POLI: variants seen among roughly 807,000 people sequenced by gnomAD.
POLI encodes RAD30 homolog B.
A neutral mutation model predicts 51.6 loss-of-function variants in POLI; 58 were observed. The ratio of observed to expected loss-of-function variants is 1.12; its 90% CI spans 0.91 to 1.40. The LOEUF is 1.40. Ranked by LOEUF, POLI falls within the 40% of genes most tolerant of loss-of-function variation. The pLI is 0.00. For synonymous variants in POLI, 322 were observed against 299.7 expected (o/e 1.07, Z -0.77); for missense variants, 921 against 871.3 (o/e 1.06, Z -0.72).
intron 3 of POLI, among the ~76,000 whole-genome samples, chr18:54,307,904 CCT>C (rs1452606138): frequency 4.8e-5 from 6 of 124,966 alleles, no homozygotes; most frequent in East Asian, 1.9e-4. Context: ...GATTTCAACC[CCT>C]GTTTTTTTTT....
At chr18:54,287,546 A>C (rs1277240929) in intron 8 of POLI, 135 bp downstream of exon 8, 1 of 590,504 alleles carries the variant, frequency 1.7e-6, no homozygotes, top group African/African-American at 1.9e-5. Context: ...TTATTCTATC[A>C]GGAATTTTCA....
At chr18:54,318,776 C>T (rs1020333310) in intron 3 of POLI, among the ~76,000 whole-genome samples, 9 of 152,106 alleles carry the variant, frequency 5.9e-5, no homozygotes, top group African/African-American at 2.2e-4. Flanking sequence ...TCATGAATGG[C>T]TAGGTGAGGC....
At chr18:54,301,654 A>G (rs190752031), downstream of POLI, among the ~76,000 whole-genome samples, 163 of 152,274 alleles carry the variant, frequency 1.1e-3, 4 homozygotes, top group South Asian at 0.03. Context: ...TTCTGCAGCT[A>G]TCTGAATTCT....
intron 3 of POLI, among the ~76,000 whole-genome samples, chr18:54,306,692 T>C (rs1235625914): frequency 3.3e-5 from 5 of 152,206 alleles, no homozygotes; most frequent in Non-Finnish European, 7.3e-5. Context: ...CGGCTGTGAA[T>C]TCATCTGTTC....
At position 54,280,831 on chromosome 18, in the gene POLI, C is replaced by A. The variant is rs2087465300; in HGVS notation, c.724C>A (p.Gln242Lys). The A allele has an allele frequency of 1.2e-6, 2 of 1,613,544 alleles. No individual in the cohort carries two copies. Among genetic ancestry groups the A allele is most frequent in the South Asian group, 2.2e-5 (2 of 91,066 alleles). ...KLVSGVFKPNQQTVLLPESCQ... is the reference protein window; with the variant it reads ...KLVSGVFKPNKQTVLLPESCQ... ...AGTTTCTGGTGTCTTTAAACCAAAT[C>A]AACAAACAGTCTTATTACCTGAAAG... The change falls in exon 5 of 10, where the codon CAA (glutamine) becomes AAA (lysine). Residue 242 changes from glutamine (Q) to lysine (K), a missense_variant. By Grantham distance (53) the Gln-to-Lys change is moderately conservative. Coordinates refer to ENST00000579534, the MANE Select transcript of POLI (RefSeq NM_007195.3).
At chr18:54,292,227 G>T (rs552447114) in intron 9 of POLI, among the ~76,000 whole-genome samples, 189 bp downstream of exon 9, 1 of 152,108 alleles carries the variant, frequency 6.6e-6, no homozygotes, top group African/African-American at 2.4e-5. Context: ...TGTGATCTAA[G>T]AAGAAAACAT....
intron 3 of POLI, among the ~76,000 whole-genome samples, chr18:54,277,149 C>T (rs1157026837): frequency 6.6e-6 from 1 of 152,098 alleles, no homozygotes; most frequent in African/African-American, 2.4e-5. Flanking sequence ...TTCATCTCTG[C>T]CTCTCTGTCC....
intron 6 of POLI, chr18:54,283,695 G>A: frequency 3.8e-6 from 1 of 261,292 alleles, no homozygotes; most frequent in Non-Finnish European, 7.3e-6. Flanking sequence ...TATATTAACT[G>A]TTTTATATTA....
chr18:54,294,626 A>G lies in POLI; in HGVS notation c.*159A>G. ...AGTTGCAAGAAGTAAATTCTGGCACAAAGCGTAAAAATATAACAGAAGAAA... is the reference window on the plus strand; with the variant it reads ...AGTTGCAAGAAGTAAATTCTGGCACGAAGCGTAAAAATATAACAGAAGAAA... On this transcript the variant is annotated 3_prime_UTR_variant, in exon 10 of 10. Coordinates refer to ENST00000579534, the MANE Select transcript of POLI (RefSeq NM_007195.3). 7.7e-7 allele frequency: 1 copy of G among 1,299,156 alleles called. No homozygotes were observed. The highest frequency in any genetic ancestry group is 9.7e-7 in the Non-Finnish European group (1 of 1,027,232). 80.5% of individuals were successfully genotyped at this position (1,299,156 alleles called of 1,614,324 possible). A position where few individuals can be genotyped will look rare whatever the true frequency, so the allele number is the denominator to read the frequency against.
intron 3 of POLI, among the ~76,000 whole-genome samples, chr18:54,276,967 T>A (rs941639552): frequency 6.6e-6 from 1 of 152,218 alleles, no homozygotes; most frequent in Non-Finnish European, 1.5e-5. Context: ...CAGAGGGAAG[T>A]GAAAAACTTT....
chr18:54,269,637 G>GT lies in POLI; in HGVS notation c.92dup (p.Ala33GlyfsTer10). On this transcript the variant is annotated frameshift_variant, in exon 1 of 10. Transcript: ENST00000579534. LOFTEE classifies it high-confidence loss of function. ...GGCCTGGGCCATGGAACTGGCGGAC[G>GT]TGGGGGCGGCAGCCAGCTCGCAGGG... 6.6e-7 allele frequency: 1 copy of GT among 1,509,366 alleles called. No homozygotes were observed. The highest frequency in any genetic ancestry group is 1.2e-5 in the South Asian group (1 of 81,602). 93.5% of individuals were successfully genotyped at this position (1,509,366 alleles called of 1,614,324 possible). A position where few individuals can be genotyped will look rare whatever the true frequency, so the allele number is the denominator to read the frequency against.
chr18:54,279,713 G>T (rs547644510), intron 4 of POLI, among the ~76,000 whole-genome samples: 1 of 152,240 alleles, frequency 6.6e-6, no homozygotes, highest in South Asian at 2.1e-4. Context: ...TTGAGGTTAG[G>T]ATGGTTTCAT....
intron 3 of POLI, among the ~76,000 whole-genome samples, chr18:54,313,397 C>T (rs1394802385): frequency 6.6e-6 from 1 of 152,122 alleles, no homozygotes; most frequent in African/African-American, 2.4e-5. Flanking sequence ...ATGATGTCCC[C>T]AGCTTTGTTC....
At chr18:54,270,756 T>C (rs1378377236) in intron 1 of POLI, 8 of 152,240 alleles carry the variant, frequency 5.3e-5, no homozygotes, top group Non-Finnish European at 1.2e-4. Context: ...TAACAACTTT[T>C]TAAAATCAAA....
At chr18:54,271,282 C>A in intron 1 of POLI, 78 bp from the exon 2 acceptor site, 1 of 1,244,688 alleles carries the variant, frequency 8.0e-7, no homozygotes, top group Non-Finnish European at 1.1e-6. Context: ...TCACAGGTAC[C>A]ATGTTTTAAG....
chr18:54,295,213 A>T lies in POLI; in HGVS notation c.*746A>T, dbSNP rs1397635384. The T allele has an allele frequency of 1.0e-6, 1 of 985,292 alleles. No individual in the cohort carries two copies. Among genetic ancestry groups the T allele is most frequent in the Non-Finnish European group, 1.2e-6 (1 of 829,930 alleles). 61.0% of individuals were successfully genotyped at this position (985,292 alleles called of 1,614,324 possible). On this transcript the variant is annotated 3_prime_UTR_variant, in exon 10 of 10. Transcript: ENST00000579534. The stretch of plus-strand genomic sequence containing the variant: ...GGTGATGGGCCTATAAGCATACTGG[A>T]TAATGGAAGAAGTCCATTTCTTTCT...
At chr18:54,271,654 G>T (rs983456233) in intron 2 of POLI, among the ~76,000 whole-genome samples, 169 bp downstream of exon 2, 1 of 152,160 alleles carries the variant, frequency 6.6e-6, no homozygotes, top group Non-Finnish European at 1.5e-5. Context: ...AATTTTACAA[G>T]CCTCATTTAA....
At position 54,293,810 on chromosome 18, in the gene POLI, A is replaced by G; in HGVS notation, c.1566A>G (p.Ser522=). 1 of 1,609,128 alleles carries G rather than the reference A, an allele frequency of 6.2e-7. No individual in the cohort carries two copies. The highest frequency in any genetic ancestry group is 1.7e-4 in the Middle Eastern group (1 of 6,060). Residue 522 remains serine, a synonymous_variant, in exon 10 of 10, where the codon TCA becomes TCG. Transcript: ENST00000579534. ...ACATTAATGAATTCCCACTCTGTTCACTTCCTGAAGGTGTTGACCAAGAAG... is the reference window on the plus strand; with the variant it reads ...ACATTAATGAATTCCCACTCTGTTCGCTTCCTGAAGGTGTTGACCAAGAAG... ...EKDINEFPLC[S]LPEGVDQEVF...
chr18:54,283,069 A>G (rs1011067078), intron 6 of POLI, 54 bp downstream of exon 6: 3 of 1,186,914 alleles, frequency 2.5e-6, no homozygotes, highest in Non-Finnish European at 2.4e-6. Flanking sequence ...TATTTGAGAT[A>G]AAGATTTCTA....
Sources: gnomAD v4.1 joint callset for allele counts (sites outside exome capture counted in the v4.1 genomes callset) on GRCh38, gnomAD v4.1.1 for gene constraint, MANE v1.5 for transcripts, NCBI Gene and HGNC (gene_info 2026-07-23, HGNC 2026-07-21) for gene names.